CHKA: variants seen among roughly 807,000 people sequenced by gnomAD.
CHKA encodes the protein CHETK-alpha.
A neutral mutation model predicts 60.1 loss-of-function variants in CHKA; 34 were observed. The ratio of observed to expected loss-of-function variants is 0.57; its 90% CI spans 0.43 to 0.75. The LOEUF (loss-of-function observed/expected upper bound fraction) is 0.75, where lower values mean the gene tolerates loss of function less well. CHKA is among the 30% of genes least tolerant of loss of function. CHKA has a pLI of 0.00. For missense variants in CHKA, 563 were observed against 561.3 expected, an observed-to-expected ratio of 1.00 and a Z score of -0.03; for synonymous variants, 217 against 223.1, an observed-to-expected ratio of 0.97 and a Z score of 0.24.
intron 11 of CHKA, among the ~76,000 whole-genome samples, chr11:68,057,554 C>T (rs1165699308): frequency 6.6e-6 from 1 of 152,196 alleles, no homozygotes; most frequent in African/African-American, 2.4e-5. Context: ...CTCCTGACCT[C>T]GTGATCCACC....
At chr11:68,073,788 T>C (rs766293779) in intron 4 of CHKA, among the ~76,000 whole-genome samples, 1 of 152,142 alleles carries the variant, frequency 6.6e-6, no homozygotes, top group Non-Finnish European at 1.5e-5. Context: ...TGCACAGATG[T>C]ACAGGGCAGC....
intron 1 of CHKA, among the ~76,000 whole-genome samples, chr11:68,098,236 A>G (rs1224355303): frequency 6.9e-6 from 1 of 144,434 alleles, no homozygotes; most frequent in Non-Finnish European, 1.5e-5. Context: ...GCGCCACTGT[A>G]CTCCAGCCTG....
intron 3 of CHKA, among the ~76,000 whole-genome samples, chr11:68,081,165 T>C (rs905214229): frequency 6.6e-6 from 1 of 152,160 alleles, no homozygotes; most frequent in African/African-American, 2.4e-5. Context: ...GCTGTTTCGA[T>C]TGCCATAAAG....
intron 1 of CHKA, among the ~76,000 whole-genome samples, chr11:68,113,081 CAAAAAAAAAAAA>C (rs71040587): frequency 1.6e-3 from 24 of 14,552 alleles, no homozygotes; most frequent in Admixed American, 4.8e-3. Flanking sequence ...GACTCCGTCT[CAAAAAAAAAAAA>C]AAAAAAAAAA....
chr11:68,111,826 G>T (rs1050236315), intron 1 of CHKA, among the ~76,000 whole-genome samples: 2 of 151,952 alleles, frequency 1.3e-5, no homozygotes, highest in Admixed American at 6.6e-5. Flanking sequence ...GGCTGAGGCG[G>T]GTGGATCACT....
chr11:68,112,218 A>G (rs1359914099), intron 1 of CHKA, among the ~76,000 whole-genome samples: 2 of 152,170 alleles, frequency 1.3e-5, no homozygotes, highest in African/African-American at 2.4e-5. Flanking sequence ...CATAGAAGAA[A>G]ATCTAGATGA....
chr11:68,067,755 C>A, intron 7 of CHKA, among the ~76,000 whole-genome samples: 1 of 152,182 alleles, frequency 6.6e-6, no homozygotes, highest in East Asian at 1.9e-4. Flanking sequence ...CCCCTCACCA[C>A]CAGAAGGGCA....
At chr11:68,077,430 G>T (rs1166616396) in intron 3 of CHKA, among the ~76,000 whole-genome samples, 1 of 152,202 alleles carries the variant, frequency 6.6e-6, no homozygotes, top group African/African-American at 2.4e-5. Flanking sequence ...ACATGGCTGG[G>T]TTCTCTCCTG....
chr11:68,053,871 G>A lies in CHKA; in HGVS notation c.*117C>T, dbSNP rs1465692077. ...CTTTAGTATCATACACATGTGTTCA[G>A]TAGTGAGCCACCCAAAGCCTCCTGC... On this transcript the variant is annotated 3_prime_UTR_variant, in exon 12 of 12. Coordinates refer to ENST00000265689, the MANE Select transcript of CHKA (RefSeq NM_001277.3). 7 of 740,852 alleles carry A rather than the reference G, an allele frequency of 9.4e-6. No individual in the cohort carries two copies. The highest frequency in any genetic ancestry group is 5.4e-4 in the Middle Eastern group (2 of 3,736). 45.9% of individuals were successfully genotyped at this position (740,852 alleles called of 1,614,324 possible).
intron 4 of CHKA, among the ~76,000 whole-genome samples, 175 bp downstream of exon 4, chr11:68,074,542 G>T (rs369546114): frequency 6.6e-6 from 1 of 152,124 alleles, no homozygotes; most frequent in African/African-American, 2.4e-5. Flanking sequence ...AAAAGAAAGA[G>T]GTTCGGATGT....
At chr11:68,079,363 ACT>A (rs1856900355) in intron 3 of CHKA, among the ~76,000 whole-genome samples, 1 of 144,122 alleles carries the variant, frequency 6.9e-6, no homozygotes, top group Admixed American at 7.0e-5. Context: ...GGAGTTTCGC[ACT>A]GTCGCCCAGG....
intron 4 of CHKA, among the ~76,000 whole-genome samples, chr11:68,073,834 C>T (rs1433741205): frequency 2.0e-5 from 3 of 152,192 alleles, no homozygotes; most frequent in African/African-American, 7.2e-5. Flanking sequence ...GATAAGATAT[C>T]TCATGCAGCA....
At chr11:68,120,567 G>C (rs1043480899) in intron 1 of CHKA, among the ~76,000 whole-genome samples, 3 of 152,238 alleles carry the variant, frequency 2.0e-5, no homozygotes, top group African/African-American at 4.8e-5. Flanking sequence ...GAACAGACCC[G>C]TTTTCTCATG....
chr11:68,082,790 C>T (rs2134598592), intron 2 of CHKA, among the ~76,000 whole-genome samples: 1 of 152,290 alleles, frequency 6.6e-6, no homozygotes, highest in South Asian at 2.1e-4. Flanking sequence ...ATTTAGCATA[C>T]AGTTAAGTAC....
intron 2 of CHKA, among the ~76,000 whole-genome samples, chr11:68,083,602 G>A (rs545223428): frequency 6.6e-6 from 1 of 152,182 alleles, no homozygotes; most frequent in East Asian, 1.9e-4. Context: ...AATGGCGCTC[G>A]CAAAAGCAAG....
chr11:68,072,288 T>C (rs1214504198), intron 4 of CHKA, among the ~76,000 whole-genome samples: 1 of 152,126 alleles, frequency 6.6e-6, no homozygotes, highest in Non-Finnish European at 1.5e-5. Flanking sequence ...CTCATGCCTG[T>C]AATCCCAGCA....
chr11:68,116,494 A>G (rs1455893407), intron 1 of CHKA, among the ~76,000 whole-genome samples: 1 of 152,074 alleles, frequency 6.6e-6, no homozygotes, highest in Non-Finnish European at 1.5e-5. Context: ...CAGGCGGATC[A>G]TGAGGTCAGG....
chr11:68,074,608 TGAG>T (rs1310598514), intron 4 of CHKA, 106 bp downstream of exon 4: 1 of 880,058 alleles, frequency 1.1e-6, no homozygotes, highest in Non-Finnish European at 1.9e-6. Context: ...ATGACATAGG[TGAG>T]GTTAACAGTG....
At position 68,061,960 on chromosome 11, in the gene CHKA, C is replaced by A; in HGVS notation, c.1307G>T (p.Gly436Val). 2 of 1,588,308 alleles carry A rather than the reference C, an allele frequency of 1.3e-6. No homozygotes were observed. Among genetic ancestry groups the A allele is most frequent in the Non-Finnish European group, 1.7e-6 (2 of 1,166,192 alleles). Residue 436 changes from glycine to valine, a missense_variant, in exon 11 of 12, where the codon GGG becomes GTG. Physicochemically the swap from Gly to Val is moderately radical, Grantham distance 109 (BLOSUM62 -3). Coordinates refer to ENST00000265689, the MANE Select transcript of CHKA (RefSeq NM_001277.3). The part of the protein sequence containing the change: ...VQAKISSIEF[G>V]YMDYAQARFD... ...AACGCTGCTAAAACATACCATGTAC[C>A]CAAATTCAATAGATGAAATCTTGGC...
Sources: allele counts gnomAD v4.1 joint callset (sites outside exome capture counted in the v4.1 genomes callset), GRCh38; gene constraint gnomAD v4.1.1; transcripts MANE v1.5; gene names NCBI Gene and HGNC (gene_info 2026-07-23, HGNC 2026-07-21).